MASTL: variants seen among roughly 807,000 people sequenced by gnomAD.
The protein encoded by MASTL is microtubule associated serine/threonine kinase like, also known as serine/threonine-protein kinase greatwall.
A neutral mutation model predicts 82.5 loss-of-function variants in MASTL; 54 were observed. The observed-to-expected ratio is 0.65, with a 90% CI of 0.53 to 0.82. The LOEUF is 0.82. Ranked by LOEUF, MASTL falls within the 40% of genes least tolerant of loss-of-function variation. The pLI is 0.00. For missense variants in MASTL, 950 were observed against 1,047.8 expected, an observed-to-expected ratio of 0.91 and a Z score of 1.29; for synonymous variants, 323 against 368.9, an observed-to-expected ratio of 0.88 and a Z score of 1.43.
Position 27,163,622 on chromosome 10 carries a change from G to GTT in MASTL, c.554-1429_554-1428dup, listed in dbSNP as rs143968397. Reference sequence around the variant, plus strand: ...TATACTTTCATTTATTTACTTATTTGTTTTTTTTTTTTTTCTTTGAGACAG... The same window carrying GTT: ...TATACTTTCATTTATTTACTTATTTGTTTTTTTTTTTTTTTTCTTTGAGACAG... On this transcript the variant is annotated intron_variant, in intron 4 of 11. Transcript: ENST00000375940. Among the ~76,000 whole-genome samples the GTT allele has an allele frequency of 2.5e-3, 366 of 144,902 alleles. 2 individuals are homozygous for GTT. Among genetic ancestry groups the GTT allele is most frequent in the African/African-American group, 8.8e-3 (344 of 39,284 alleles).
At position 27,186,640 on chromosome 10, in the gene MASTL, A is replaced by C; in HGVS notation, c.*104A>C. On this transcript the variant is annotated 3_prime_UTR_variant, in exon 12 of 12. Transcript: ENST00000375940. ...ATCTAAGGGGGAAAGATCATTATTT[A>C]ACCTAGTTCAATGTGCTTTTAATGT... 9.3e-7 allele frequency: 1 copy of C among 1,069,674 alleles called. No individual in the cohort carries two copies. Among genetic ancestry groups the C allele is most frequent in the East Asian group, 2.3e-5 (1 of 42,578 alleles). The allele number at this position is 1,069,674 out of a possible 1,614,324, so 66.3% of individuals were successfully genotyped here. A position where few individuals can be genotyped will look rare whatever the true frequency, so the allele number is the denominator to read the frequency against.
Position 27,161,163 on chromosome 10 carries a change from A to T in MASTL, c.534A>T (p.Ser178=), listed in dbSNP as rs749438587. ...TTAAACTGACGGATTTTGGCCTTTC[A>T]AAAGTTACTTTGAATAGAGGTAAGA... is the stretch of plus-strand genomic sequence containing the variant. ...GHIKLTDFGL[S]KVTLNRDINM... Residue 178 remains serine (S), a synonymous_variant, in exon 4 of 12, where the codon TCA becomes TCT. Transcript: ENST00000375940. The T allele has an allele frequency of 1.9e-6, 3 of 1,598,974 alleles. 1 individual carries two copies. The Middle Eastern group carries it at 5.0e-4, about 268-fold the overall frequency.
rs2058793106 is a variant in MASTL, at chr10:27,186,908, T to G, written c.*372T>G. 1 of 265,934 alleles carries G rather than the reference T, an allele frequency of 3.8e-6. No individual in the cohort carries two copies. The highest frequency in any genetic ancestry group is 7.3e-6 in the Non-Finnish European group (1 of 137,122). 16.5% of individuals were successfully genotyped at this position (265,934 alleles called of 1,614,324 possible). A position where few individuals can be genotyped will look rare whatever the true frequency, so the allele number is the denominator to read the frequency against. ...GTTTAGCATTAAAATAATAAAATAA[T>G]CATACAGTTCCATTTGATTGTAATT... On this transcript the variant is annotated 3_prime_UTR_variant, in exon 12 of 12. Coordinates refer to ENST00000375940, the MANE Select transcript of MASTL (RefSeq NM_001172303.3).
At chr10:27,164,690 T>G (rs1036276703) in intron 4 of MASTL, among the ~76,000 whole-genome samples, 8 of 152,100 alleles carry the variant, frequency 5.3e-5, no homozygotes, top group African/African-American at 1.9e-4. Flanking sequence ...CTGGTCGGAG[T>G]GCAGTAGCGC....
chr10:27,166,972 TGA>T, intron 6 of MASTL, 128 bp from the exon 7 acceptor site: 1 of 662,628 alleles, frequency 1.5e-6, no homozygotes, highest in Non-Finnish European at 2.6e-6. Context: ...GAAATAGTTC[TGA>T]TATGTAATTC....
chr10:27,186,272 A>G lies in MASTL; in HGVS notation c.2483-107A>G. ...AATGTCTGTGAAACTGACATAATAA[A>G]GTAAGGTAAGTTATATGTGAGACAT... On this transcript the variant is annotated intron_variant, in intron 11 of 11. Transcript: ENST00000375940. 8 of 1,139,018 alleles carry G rather than the reference A, an allele frequency of 7.0e-6. No homozygotes were observed. The Admixed American group carries it at 1.5e-4, about 21-fold the overall frequency. 70.6% of individuals were successfully genotyped at this position (1,139,018 alleles called of 1,614,324 possible).
chr10:27,168,822 C>T (rs537503504), intron 7 of MASTL, among the ~76,000 whole-genome samples: 2 of 152,142 alleles, frequency 1.3e-5, no homozygotes, highest in Admixed American at 1.3e-4. Context: ...AAAAAAATAT[C>T]CTTTTTGCTT....
At position 27,161,166 on chromosome 10, in the gene MASTL, A is replaced by G. The variant is rs1244021964; in HGVS notation, c.537A>G (p.Lys179=). 6.3e-7 allele frequency: 1 copy of G among 1,590,244 alleles called. No individual in the cohort carries two copies. The highest frequency in any genetic ancestry group is 8.6e-7 in the Non-Finnish European group (1 of 1,158,348). ...HIKLTDFGLS[K]VTLNRDINMM... ...AACTGACGGATTTTGGCCTTTCAAA[A>G]GTTACTTTGAATAGAGGTAAGAAAA... The change falls in exon 4 of 12, where the codon AAA becomes AAG. Residue 179 remains lysine, a synonymous_variant. Transcript: ENST00000375940.
chr10:27,156,530 TTCTC>T (rs66562756), intron 1 of MASTL, among the ~76,000 whole-genome samples: 13,319 of 152,134 alleles, frequency 0.088, 805 homozygotes, highest in Non-Finnish European at 0.13. Context: ...AAGACAGTCT[TTCTC>T]TGTCGCCCAG....
intron 7 of MASTL, among the ~76,000 whole-genome samples, chr10:27,168,423 A>G (rs7091699): frequency 0.1 from 15,365 of 152,198 alleles, 2,541 homozygotes; most frequent in African/African-American, 0.35. Context: ...TTCTCAAGTT[A>G]TGATCAGAGG....
At position 27,170,251 on chromosome 10, in the gene MASTL, G is replaced by C. The variant is rs537654014; in HGVS notation, c.1292G>C (p.Gly431Ala). 12 of 1,614,116 alleles carry C rather than the reference G, an allele frequency of 7.4e-6. No homozygotes were observed. The South Asian group carries it at 1.2e-4, about 16-fold the overall frequency. The stretch of plus-strand genomic sequence containing the variant: ...TCAAATCAGTGGGCTGTGGATTCTG[G>C]TGGGATATCTGAAGAGCACCTTGGG... ...HQSNQWAVDS[G>A]GISEEHLGKR... is the part of the protein sequence containing the mutation. Residue 431 changes from glycine (G) to alanine (A), a missense_variant, in exon 8 of 12, where the codon GGT (glycine) becomes GCT (alanine). By Grantham distance (60) the Gly-to-Ala change is moderately conservative (BLOSUM62 0). Transcript: ENST00000375940.
chr10:27,158,893 T>G (rs1259372026), intron 2 of MASTL, among the ~76,000 whole-genome samples: 1 of 152,224 alleles, frequency 6.6e-6, no homozygotes, highest in Non-Finnish European at 1.5e-5. Context: ...TGTGTATGTG[T>G]ATGTATATGT....
At position 27,171,069 on chromosome 10, in the gene MASTL, T is replaced by C. The variant is rs770735969; in HGVS notation, c.2110T>C (p.Cys704Arg). Reference sequence around the variant, plus strand: ...AACCCCTACTCAAAAAAGAAGATCCTGTATGCCACATCAGGTATATTTATA... The same window carrying C: ...AACCCCTACTCAAAAAAGAAGATCCCGTATGCCACATCAGGTATATTTATA... ...AITPTQKRRS[C>R]MPHQQTPNQI... is the part of the protein sequence containing the mutation. Residue 704 changes from cysteine to arginine, a missense_variant, in exon 8 of 12, where the codon TGT becomes CGT. Transcript: ENST00000375940. 2 of 1,613,928 alleles carry C rather than the reference T, an allele frequency of 1.2e-6. No homozygotes were observed. The highest frequency in any genetic ancestry group is 8.5e-7 in the Non-Finnish European group (1 of 1,179,824).
chr10:27,165,111 A>G lies in MASTL; in HGVS notation c.601A>G (p.Arg201Gly). ...ILTTPSMAKPRQDYSRTPGQV... is the reference protein window; with the variant it reads ...ILTTPSMAKPGQDYSRTPGQV... ...TACAACACCATCAATGGCAAAACCT[A>G]GACAAGATTATTCAAGAACCCCAGG... The change falls in exon 5 of 12, where the codon AGA (arginine) becomes GGA (glycine). Residue 201 changes from arginine (R) to glycine (G), a missense_variant. Transcript: ENST00000375940. The G allele has an allele frequency of 6.2e-7, 1 of 1,613,536 alleles. No individual in the cohort carries two copies. Among genetic ancestry groups the G allele is most frequent in the African/African-American group, 1.3e-5 (1 of 75,042 alleles).
chr10:27,165,161 G>A lies in MASTL; in HGVS notation c.651G>A (p.Ser217=), dbSNP rs755985707. ...TPGQVLSLIS[S]LGFNTPIAEK... ...GACAAGTGTTATCGCTTATCAGCTC[G>A]TTGGGATTTGTAAGTACTTGAGAAG... The change falls in exon 5 of 12, where the codon TCG becomes TCA. Residue 217 remains serine (S), a synonymous_variant. Coordinates refer to ENST00000375940, the MANE Select transcript of MASTL (RefSeq NM_001172303.3). The A allele has an allele frequency of 2.5e-5, 41 of 1,609,804 alleles. No individual in the cohort carries two copies. Among genetic ancestry groups the A allele is most frequent in the East Asian group, 6.7e-5 (3 of 44,846 alleles).
intron 3 of MASTL, 86 bp from the exon 4 acceptor site, chr10:27,161,008 T>C (rs1337497462): frequency 8.2e-5 from 72 of 883,370 alleles, no homozygotes; most frequent in Non-Finnish European, 2.3e-5. Flanking sequence ...AGGGTTTGCC[T>C]CCTTTGTAAC....
chr10:27,157,747 C>T (rs961285803), intron 1 of MASTL, among the ~76,000 whole-genome samples: 22 of 151,910 alleles, frequency 1.4e-4, no homozygotes, highest in African/African-American at 5.3e-4. Context: ...TGTAAGACAG[C>T]ATTTGGGACT....
intron 7 of MASTL, 102 bp from the exon 8 acceptor site, chr10:27,169,842 A>G: frequency 1.7e-6 from 2 of 1,157,806 alleles, no homozygotes; most frequent in Admixed American, 4.3e-5. Flanking sequence ...CAGGTAGCAT[A>G]ATAGTTTATG....
intron 9 of MASTL, 106 bp downstream of exon 9, chr10:27,173,365 A>G (rs1438983336): frequency 7.9e-7 from 1 of 1,273,666 alleles, no homozygotes; most frequent in Non-Finnish European, 1.1e-6. Flanking sequence ...CCTAAAGTAA[A>G]AGAAAATGAA....
Sources: gnomAD v4.1 joint callset for allele counts (sites outside exome capture counted in the v4.1 genomes callset) on GRCh38, gnomAD v4.1.1 for gene constraint, MANE v1.5 for transcripts, NCBI Gene and HGNC (gene_info 2026-07-23, HGNC 2026-07-21) for gene names.